Variants in MRTFA observed in about 807,000 individuals in gnomAD.
MRTFA encodes myocardin-related transcription factor A.
In MRTFA, 20 loss-of-function variants were observed where a neutral mutation model predicts 83.5. That is an observed-to-expected ratio of 0.24 (90% CI 0.17 to 0.35). The LOEUF is 0.35. Among genes scored for constraint, MRTFA ranks in the 10% least tolerant of loss-of-function variants. The pLI is 1.00. For missense variants in MRTFA, 1,200 were observed against 1,224.7 expected (o/e 0.98, Z 0.30); for synonymous variants, 659 against 541.2 (o/e 1.22, Z -3.02).
rs2052508027 is a variant in MRTFA at position 40,410,958 on chromosome 22, T to C, written c.*432A>G. The C allele has an allele frequency of 1.3e-5, 3 of 236,818 alleles. No homozygotes were observed. The highest frequency in any genetic ancestry group is 2.5e-5 in the Non-Finnish European group (3 of 120,982). The allele number at this position is 236,818 out of a possible 1,614,324, so 14.7% of individuals were successfully genotyped here. A position where few individuals can be genotyped will look rare whatever the true frequency, so the allele number is the denominator to read the frequency against. ...AATAGGGGGTAGAGGCCCAGGCTAA[T>C]TTCTCCCTTCACAGCAAAGCAGGGA... is the stretch of plus-strand genomic sequence containing the variant. On this transcript the variant is annotated 3_prime_UTR_variant, in exon 15 of 15. Transcript: ENST00000355630.
Position 40,465,131 on chromosome 22 carries a change from T to C in MRTFA, c.242-1845A>G, listed in dbSNP as rs1017042312. On this transcript the variant is annotated intron_variant, in intron 3 of 14. Coordinates refer to ENST00000355630, the MANE Select transcript of MRTFA (RefSeq NM_020831.6). Reference sequence around the variant, plus strand: ...CCCCACTCACTCCACAGCATTCAGTTACTCTAGGCCTCCTGTGAGCTACCT... The same window carrying C: ...CCCCACTCACTCCACAGCATTCAGTCACTCTAGGCCTCCTGTGAGCTACCT... Among the ~76,000 whole-genome samples, 3 of 152,228 alleles carry C rather than the reference T, an allele frequency of 2.0e-5. No homozygotes were observed. In the South Asian group the frequency reaches 6.2e-4, roughly 31 times the overall value.
At chr22:40,474,394 A>G (rs921193778) in intron 3 of MRTFA, among the ~76,000 whole-genome samples, 2 of 152,240 alleles carry the variant, frequency 1.3e-5, no homozygotes, top group Non-Finnish European at 2.9e-5. Context: ...ATATACAGTC[A>G]ATTGTTTACG....
intron 3 of MRTFA, among the ~76,000 whole-genome samples, chr22:40,485,999 C>T (rs766987804): frequency 6.6e-6 from 1 of 152,162 alleles, no homozygotes; most frequent in South Asian, 2.1e-4. Flanking sequence ...CTTCGAAGGT[C>T]GGTGCAGGAA....
intron 1 of MRTFA, among the ~76,000 whole-genome samples, chr22:40,628,309 T>C (rs1346032667): frequency 1.3e-5 from 2 of 152,198 alleles, no homozygotes; most frequent in Admixed American, 6.5e-5. Context: ...AAACTTGACA[T>C]GGACATGTTA....
intron 4 of MRTFA, among the ~76,000 whole-genome samples, chr22:40,459,822 C>CACATAT (rs1308675939): frequency 1.5e-5 from 1 of 68,242 alleles, no homozygotes; most frequent in East Asian, 3.6e-4. Context: ...CACACACACA[C>CACATAT]ATATATACAT....
chr22:40,595,734 A>G (rs987614729), intron 1 of MRTFA, among the ~76,000 whole-genome samples: 8 of 152,188 alleles, frequency 5.3e-5, no homozygotes, highest in African/African-American at 1.7e-4. Flanking sequence ...GGAAGGCTTT[A>G]CGTAAGAGAT....
At chr22:40,635,811 G>A (rs370435515) in intron 1 of MRTFA, among the ~76,000 whole-genome samples, 79 of 152,238 alleles carry the variant, frequency 5.2e-4, no homozygotes, top group African/African-American at 1.7e-3. Flanking sequence ...TTTTTCAGAC[G>A]AGGAAACCAA....
chr22:40,419,419 C>A (rs769467945), intron 11 of MRTFA, 35 bp from the exon 12 acceptor site: 79 of 1,595,328 alleles, frequency 5.0e-5, no homozygotes, highest in Non-Finnish European at 5.0e-5. Flanking sequence ...AGGCCAGGGG[C>A]AGCTGGACAC....
At chr22:40,517,795 T>C (rs1399439707) in intron 3 of MRTFA, among the ~76,000 whole-genome samples, 1 of 152,128 alleles carries the variant, frequency 6.6e-6, no homozygotes, top group East Asian at 1.9e-4. Flanking sequence ...TGGAAAGCCC[T>C]TATGGATGAG....
In MRTFA at chr22:40,435,482, G is replaced by A. The variant is rs1257655934; in HGVS notation, c.363+17C>T. The A allele has an allele frequency of 1.2e-6, 2 of 1,613,634 alleles. No homozygotes were observed. The highest frequency in any genetic ancestry group is 8.5e-7 in the Non-Finnish European group (1 of 1,179,598). ...AATGCTCTTTGGGAGTTCTGAGGGGGAAAAAAGGTACCTTACCCTGGCCCG... is the reference window on the plus strand; with the variant it reads ...AATGCTCTTTGGGAGTTCTGAGGGGAAAAAAAGGTACCTTACCCTGGCCCG... On this transcript the variant is annotated intron_variant, in intron 5 of 14. Coordinates refer to ENST00000355630, the MANE Select transcript of MRTFA (RefSeq NM_020831.6).
Position 40,515,226 on chromosome 22 carries a change from C to A in MRTFA, c.241+36880G>T, listed in dbSNP as rs188266152. On this transcript the variant is annotated intron_variant, in intron 3 of 14. Transcript: ENST00000355630. ...CCGGCCTTCTCCAATATTTCATATT[C>A]ATTTATTTCATTCATTAACATATGT... is the stretch of plus-strand genomic sequence containing the variant. Among the ~76,000 whole-genome samples, 134 of 152,040 alleles carry A rather than the reference C, an allele frequency of 8.8e-4. 1 individual carries two copies. The Middle Eastern group carries it at 0.021, about 23-fold the overall frequency.
At chr22:40,449,318 T>C (rs1057120591) in intron 4 of MRTFA, among the ~76,000 whole-genome samples, 5 of 149,580 alleles carry the variant, frequency 3.3e-5, no homozygotes, top group Admixed American at 6.7e-5. Context: ...AAATTTGCCA[T>C]TAACTCTTGA....
chr22:40,566,372 G>A (rs779295319), intron 2 of MRTFA, among the ~76,000 whole-genome samples: 40 of 151,794 alleles, frequency 2.6e-4, no homozygotes, highest in Non-Finnish European at 2.9e-4. Flanking sequence ...GGTGCCCACC[G>A]CCACACCTGG....
intron 1 of MRTFA, among the ~76,000 whole-genome samples, chr22:40,618,900 T>C (rs2056486585): frequency 6.6e-6 from 1 of 151,696 alleles, no homozygotes; most frequent in African/African-American, 2.4e-5. Context: ...GGCAGAGGTT[T>C]CAGTGAGCCA....
intron 3 of MRTFA, among the ~76,000 whole-genome samples, chr22:40,470,276 T>TATAA (rs2053885194): frequency 1.0e-5 from 1 of 99,290 alleles, no homozygotes; most frequent in Admixed American, 1.0e-4. Context: ...TATATATATA[T>TATAA]ATATAAAGAA....
chr22:40,430,508 C>A (rs556095717), intron 6 of MRTFA, among the ~76,000 whole-genome samples: 1 of 151,596 alleles, frequency 6.6e-6, no homozygotes, highest in African/African-American at 2.4e-5. Flanking sequence ...ACTAGACAAA[C>A]AATAAGTAAA....
intron 3 of MRTFA, among the ~76,000 whole-genome samples, chr22:40,475,415 T>C (rs937388685): frequency 6.6e-6 from 1 of 151,970 alleles, no homozygotes; most frequent in Non-Finnish European, 1.5e-5. Context: ...TGCATGCTTG[T>C]AATCCCAGCT....
intron 1 of MRTFA, among the ~76,000 whole-genome samples, chr22:40,623,470 C>CG (rs916619592): frequency 6.6e-6 from 1 of 150,864 alleles, no homozygotes; most frequent in African/African-American, 2.4e-5. Flanking sequence ...ATCCCTCCCC[C>CG]CTCCCCCAAC....
chr22:40,424,349 T>C lies in MRTFA; in HGVS notation c.634A>G (p.Ser212Gly), dbSNP rs746156485. Residue 212 changes from serine to glycine, a missense_variant, in exon 8 of 15, where the codon AGC becomes GGC. By Grantham distance (56) the Ser-to-Gly change is moderately conservative (BLOSUM62 0). Transcript: ENST00000355630. ...CTGCTGTCCTCATCGAAGGAAGAGC[T>C]GTCTGCTACTTTGGGATAGTTCACC... 1 of 1,613,612 alleles carries C rather than the reference T, an allele frequency of 6.2e-7. No individual in the cohort carries two copies. The highest frequency in any genetic ancestry group is 8.5e-7 in the Non-Finnish European group (1 of 1,179,750).
Sources: gnomAD v4.1 joint callset for allele counts (sites outside exome capture counted in the v4.1 genomes callset) on GRCh38, gnomAD v4.1.1 for gene constraint, MANE v1.5 for transcripts, NCBI Gene and HGNC (gene_info 2026-07-23, HGNC 2026-07-21) for gene names.